OPCML: variants seen among roughly 807,000 people sequenced by gnomAD.
OPCML encodes the protein opioid-binding protein/cell adhesion molecule.
In OPCML, 13 loss-of-function variants were observed where a neutral mutation model predicts 37.8. The observed-to-expected ratio is 0.34, with a 90% confidence interval of 0.22 to 0.55. The LOEUF (loss-of-function observed/expected upper bound fraction) is 0.55, where lower values mean the gene tolerates loss of function less well. Ranked by LOEUF, OPCML falls within the 20% of genes least tolerant of loss-of-function variation. The pLI is 0.91. For synonymous variants in OPCML, 176 were observed against 168.8 expected (o/e 1.04, Z -0.33); for missense variants, 341 against 435.6 (o/e 0.78, Z 1.93).
intron 2 of OPCML, among the ~76,000 whole-genome samples, chr11:132,736,642 C>T (rs1210976104): frequency 6.6e-6 from 1 of 152,212 alleles, no homozygotes; most frequent in Non-Finnish European, 1.5e-5. Context: ...TCTTAGATCA[C>T]TGCCATGTCA....
At position 132,959,728 on chromosome 11, in the gene OPCML, A is replaced by G. The variant is rs553568775; in HGVS notation, c.62-16718T>C. On this transcript the variant is annotated intron_variant, in intron 1 of 7. Coordinates refer to ENST00000524381, the MANE Select transcript of OPCML (RefSeq NM_001012393.5). The stretch of plus-strand genomic sequence containing the variant: ...ACAATACTACTATACACAGGCTCAG[A>G]TTTAGAAGTGGCACCTTAAATCTGG... 2.7e-4 allele frequency among the ~76,000 whole-genome samples: 41 copies of G among 152,324 alleles called. 2 individuals are homozygous for G. The South Asian group carries it at 7.3e-3, about 27-fold the overall frequency.
In OPCML at chr11:132,657,324, A is replaced by G; in HGVS notation, c.147-5T>C. ...ACCCGGTCATCTATGGTACACCTGC[A>G]GTGAGGCAGGGAGTGGTGGAGGGAG... On this transcript the variant is annotated splice_region_variant and splice_polypyrimidine_tract_variant and intron_variant, in intron 2 of 7. Coordinates refer to ENST00000524381, the MANE Select transcript of OPCML (RefSeq NM_001012393.5). The G allele has an allele frequency of 1.2e-6, 2 of 1,614,008 alleles. No individual in the cohort carries two copies.
intron 2 of OPCML, among the ~76,000 whole-genome samples, chr11:132,712,020 G>A (rs1406635322): frequency 2.0e-5 from 3 of 152,200 alleles, no homozygotes; most frequent in African/African-American, 7.2e-5. Flanking sequence ...AACCTGGAAA[G>A]CTTCTATTGT....
intron 4 of OPCML, among the ~76,000 whole-genome samples, chr11:132,521,211 C>G (rs2096292614): frequency 6.6e-6 from 1 of 152,074 alleles, no homozygotes; most frequent in Non-Finnish European, 1.5e-5. Context: ...CCTTTGCCCA[C>G]TTTTTGATAG....
chr11:133,433,251 C>CAAAAAA (rs71477795), intron 1 of OPCML, among the ~76,000 whole-genome samples: 54 of 90,686 alleles, frequency 6.0e-4, no homozygotes, highest in African/African-American at 1.4e-3. Context: ...GACTCCGTCT[C>CAAAAAA]AAAAAAAAAA....
chr11:132,669,202 A>G (rs1308717607), intron 2 of OPCML, among the ~76,000 whole-genome samples: 1 of 151,954 alleles, frequency 6.6e-6, no homozygotes, highest in Non-Finnish European at 1.5e-5. Context: ...TATAAACAGG[A>G]TACTGCTCAG....
chr11:132,567,136 GTCC>G (rs144484137), intron 3 of OPCML, among the ~76,000 whole-genome samples: 18,604 of 152,006 alleles, frequency 0.12, 1,655 homozygotes, highest in East Asian at 0.44. Flanking sequence ...GACACAGACA[GTCC>G]TCCTGCTCAC....
intron 2 of OPCML, among the ~76,000 whole-genome samples, chr11:132,832,128 T>C (rs1940724509): frequency 6.6e-6 from 1 of 151,868 alleles, no homozygotes; most frequent in Non-Finnish European, 1.5e-5. Flanking sequence ...CTTTCAGTAG[T>C]AAAGGAATCC....
intron 2 of OPCML, among the ~76,000 whole-genome samples, chr11:132,848,663 C>T (rs956226392): frequency 6.6e-6 from 1 of 152,200 alleles, no homozygotes; most frequent in African/African-American, 2.4e-5. Context: ...ACATACTAGT[C>T]AGCCTGACAT....
intron 1 of OPCML, among the ~76,000 whole-genome samples, chr11:133,450,883 T>C (rs1946567713): frequency 6.6e-6 from 1 of 151,746 alleles, no homozygotes; most frequent in South Asian, 2.1e-4. Flanking sequence ...ACAAAATGAA[T>C]TATTGAATAG....
chr11:132,552,267 C>T (rs1271329394), intron 3 of OPCML, among the ~76,000 whole-genome samples: 1 of 152,126 alleles, frequency 6.6e-6, no homozygotes, highest in African/African-American at 2.4e-5. Context: ...GCAAGGTGCA[C>T]CCTTGTTAAG....
chr11:133,091,293 G>A (rs577697160), intron 1 of OPCML, among the ~76,000 whole-genome samples: 4 of 152,320 alleles, frequency 2.6e-5, no homozygotes, highest in African/African-American at 9.6e-5. Context: ...TCAGGGCCCA[G>A]GCAGAAAACT....
chr11:133,423,279 A>C, intron 1 of OPCML: 1 of 985,388 alleles, frequency 1.0e-6, no homozygotes, highest in African/African-American at 1.7e-5. Flanking sequence ...TAGCAATTGG[A>C]ATTTTAGGCA....
intron 1 of OPCML, among the ~76,000 whole-genome samples, chr11:133,058,236 G>C (rs995981220): frequency 6.6e-6 from 1 of 152,136 alleles, no homozygotes; most frequent in South Asian, 2.1e-4. Flanking sequence ...CCTTGGTTGC[G>C]TAAAGACTTC....
intron 3 of OPCML, among the ~76,000 whole-genome samples, chr11:132,540,371 A>G (rs1348134568): frequency 6.6e-6 from 1 of 152,192 alleles, no homozygotes; most frequent in East Asian, 1.9e-4. Context: ...TAGGTGCTCA[A>G]TCAATATGTG....
At chr11:132,707,276 C>T (rs527396823) in intron 2 of OPCML, among the ~76,000 whole-genome samples, 3 of 152,234 alleles carry the variant, frequency 2.0e-5, no homozygotes, top group Non-Finnish European at 4.4e-5. Flanking sequence ...CAATAGAATG[C>T]CAGGATGAGA....
chr11:133,217,937 C>A (rs501471), intron 1 of OPCML, among the ~76,000 whole-genome samples: 11,909 of 151,516 alleles, frequency 0.079, 513 homozygotes, highest in Non-Finnish European at 0.1. Flanking sequence ...TCCCAGCTAC[C>A]TGGGAGGCTG....
chr11:132,864,971 C>T (rs746776415), intron 2 of OPCML, among the ~76,000 whole-genome samples: 3 of 152,222 alleles, frequency 2.0e-5, no homozygotes, highest in Admixed American at 6.5e-5. Flanking sequence ...GAGCGGACAG[C>T]GAGCCCCTGG....
chr11:133,221,291 G>A (rs760774701), intron 1 of OPCML, among the ~76,000 whole-genome samples: 6 of 152,194 alleles, frequency 3.9e-5, no homozygotes, highest in Non-Finnish European at 2.9e-5. Context: ...AGGTTGGTTC[G>A]TAGGGAAAGC....
Sources: gnomAD v4.1 joint callset for allele counts (sites outside exome capture counted in the v4.1 genomes callset) on GRCh38, gnomAD v4.1.1 for gene constraint, MANE v1.5 for transcripts, NCBI Gene and HGNC (gene_info 2026-07-23, HGNC 2026-07-21) for gene names.